Variants in STARD13 observed in about 807,000 individuals in gnomAD.
STARD13 encodes the protein StAR related lipid transfer domain containing 13, also known as stAR-related lipid transfer protein 13.
In STARD13, 62 loss-of-function variants were observed where a neutral mutation model predicts 106.4. The ratio of observed to expected loss-of-function variants is 0.58; its 90% confidence interval spans 0.48 to 0.72. STARD13 has a LOEUF of 0.72. STARD13 is among the 30% of genes least tolerant of loss of function. The probability of loss-of-function intolerance (pLI) is 0.00; values close to 1 mark genes in which losing one functional copy is unlikely to be tolerated. For missense variants in STARD13, 1,387 were observed against 1,424.0 expected, an observed-to-expected ratio of 0.97 and a Z score of 0.42; for synonymous variants, 565 against 553.0, an observed-to-expected ratio of 1.02 and a Z score of -0.31.
the STARD13 span, among the ~76,000 whole-genome samples, chr13:33,579,160 C>T: frequency 4.9e-4 from 75 of 152,140 alleles, no homozygotes; most frequent in Non-Finnish European, 6.9e-4. Flanking sequence ...AGTATCTACT[C>T]AAAGGAAAAT....
the STARD13 span, among the ~76,000 whole-genome samples, chr13:33,640,555 C>T: frequency 6.6e-6 from 1 of 152,180 alleles, no homozygotes; most frequent in Non-Finnish European, 1.5e-5. Flanking sequence ...GAGTCCCTGC[C>T]ATTTAATCAT....
the STARD13 span, among the ~76,000 whole-genome samples, chr13:33,667,740 C>T: frequency 6.6e-6 from 1 of 152,214 alleles, no homozygotes; most frequent in South Asian, 2.1e-4. Flanking sequence ...TCATTGGTAA[C>T]AATGTTTTTC....
chr13:33,432,260 T>G, the STARD13 span, among the ~76,000 whole-genome samples: 26 of 152,206 alleles, frequency 1.7e-4, no homozygotes, highest in Non-Finnish European at 8.8e-5. Context: ...TTTTGGAATC[T>G]TTCTTTTCTT....
chr13:33,429,932 G>GT, the STARD13 span, among the ~76,000 whole-genome samples: 1 of 149,756 alleles, frequency 6.7e-6, no homozygotes, highest in African/African-American at 2.5e-5. Flanking sequence ...TTTTTTGGGG[G>GT]GGGGGGACGG....
At position 33,305,411 on chromosome 13, in the gene STARD13, G is replaced by A. The variant is rs913793056; in HGVS notation, c.124+44879C>T. Among the ~76,000 whole-genome samples the A allele has an allele frequency of 7.2e-5, 11 of 152,268 alleles. No homozygotes were observed. The East Asian group carries it at 2.1e-3, about 29-fold the overall frequency. ...TCTTTTACATCTCCGTGTCCTCCAC[G>A]GTAACTAGCAGGACACTTTATACAG... On this transcript the variant is annotated intron_variant, in intron 1 of 5. Transcript: ENST00000567873.
intron 5 of STARD13, 62 bp from the exon 6 acceptor site, chr13:33,127,608 G>A (rs966349480): frequency 3.4e-6 from 5 of 1,471,546 alleles, no homozygotes; most frequent in Non-Finnish European, 4.5e-6. Flanking sequence ...GGGAAACACG[G>A]GACATCACCA....
At chr13:33,191,425 T>C (rs557203716) in intron 1 of STARD13, among the ~76,000 whole-genome samples, 34 of 152,348 alleles carry the variant, frequency 2.2e-4, no homozygotes, top group African/African-American at 8.2e-4. Context: ...TTTAATGCTC[T>C]ACAATCCTGT....
the STARD13 span, among the ~76,000 whole-genome samples, chr13:33,619,801 C>T: frequency 2.0e-5 from 3 of 152,136 alleles, no homozygotes; most frequent in African/African-American, 7.2e-5. Flanking sequence ...CAGTGGCTCA[C>T]ACCTGTAATC....
chr13:33,131,549 C>G (rs1198574396), intron 4 of STARD13, among the ~76,000 whole-genome samples: 1 of 151,958 alleles, frequency 6.6e-6, no homozygotes, highest in Non-Finnish European at 1.5e-5. Context: ...CACCACTGCA[C>G]CCCAGCCGCA....
At position 33,129,981 on chromosome 13, in the gene STARD13, G is replaced by A. The variant is rs144921083; in HGVS notation, c.696C>T (p.Leu232=). 1.2e-6 allele frequency: 2 copies of A among 1,613,304 alleles called. No homozygotes were observed. Among genetic ancestry groups the A allele is most frequent in the Admixed American group, 1.7e-5 (1 of 60,022 alleles). Residue 232 remains leucine, a synonymous_variant, in exon 5 of 14, where the codon CTC becomes CTT. Transcript: ENST00000336934. The part of the protein sequence containing the change: ...MLDAPLVSSS[L]PQPPRDVLNH... ...TGAGGACATCTCTGGGGGGCTGTGG[G>A]AGGCTGCTGCTGACGAGTGGGGCAT... is the stretch of plus-strand genomic sequence containing the variant.
the STARD13 span, among the ~76,000 whole-genome samples, chr13:33,547,572 T>C: frequency 1.3e-5 from 2 of 152,112 alleles, no homozygotes; most frequent in East Asian, 1.9e-4. Flanking sequence ...GAGAGAAATA[T>C]AGAAAACTGA....
At chr13:33,493,213 T>C in the STARD13 span, among the ~76,000 whole-genome samples, 3 of 152,132 alleles carry the variant, frequency 2.0e-5, no homozygotes, top group African/African-American at 7.2e-5. Flanking sequence ...AAACCCATTA[T>C]CACAACAGAG....
rs569136993 is a variant in STARD13, at chr13:33,258,294, C to T, written c.169+27176G>A. ...ATTATGTGATTGGAGTGAATGCTTC[C>T]ATAACCATTTTCCTAAAAAAATAGA... On this transcript the variant is annotated intron_variant, in intron 1 of 13. Transcript: ENST00000336934. 3.3e-5 allele frequency among the ~76,000 whole-genome samples: 5 copies of T among 152,276 alleles called. No homozygotes were observed. In the East Asian group the frequency reaches 9.6e-4, roughly 29 times the overall value.
chr13:33,248,767 T>C (rs1297669978), intron 1 of STARD13, among the ~76,000 whole-genome samples: 1 of 152,258 alleles, frequency 6.6e-6, no homozygotes, highest in African/African-American at 2.4e-5. Flanking sequence ...TCCTTTCCCT[T>C]ATTCAGTGTT....
At chr13:33,515,506 C>A in the STARD13 span, among the ~76,000 whole-genome samples, 1 of 152,108 alleles carries the variant, frequency 6.6e-6, no homozygotes, top group Non-Finnish European at 1.5e-5. Context: ...AGATAGCTGG[C>A]ACAGGAGAAA....
intron 1 of STARD13, among the ~76,000 whole-genome samples, chr13:33,315,570 C>T (rs1049394904): frequency 2.0e-5 from 3 of 152,122 alleles, no homozygotes; most frequent in African/African-American, 7.2e-5. Flanking sequence ...TTTGTGAGGC[C>T]TTCTTAATTG....
chr13:33,346,879 C>T (rs937782340), downstream of STARD13, among the ~76,000 whole-genome samples: 1 of 151,898 alleles, frequency 6.6e-6, no homozygotes, highest in Non-Finnish European at 1.5e-5. Flanking sequence ...CGCAGGTGAT[C>T]CACCTGCCTC....
At chr13:33,392,693 C>T in the STARD13 span, among the ~76,000 whole-genome samples, 1 of 152,220 alleles carries the variant, frequency 6.6e-6, no homozygotes, top group Admixed American at 6.5e-5. Flanking sequence ...AGCCACTGTG[C>T]CCGGCCTGGT....
At chr13:33,234,569 G>C (rs1889093412) in intron 1 of STARD13, among the ~76,000 whole-genome samples, 1 of 152,164 alleles carries the variant, frequency 6.6e-6, no homozygotes, top group Non-Finnish European at 1.5e-5. Flanking sequence ...TGAAGTTTGA[G>C]GGACTTTTTT....
Sources: gnomAD v4.1 joint callset for allele counts (sites outside exome capture counted in the v4.1 genomes callset) on GRCh38, gnomAD v4.1.1 for gene constraint, MANE v1.5 for transcripts, NCBI Gene and HGNC (gene_info 2026-07-23, HGNC 2026-07-21) for gene names.